Variants in PRKAR2A observed in about 807,000 individuals in gnomAD.
PRKAR2A encodes the protein protein kinase cAMP-dependent type II regulatory subunit alpha.
Under a neutral mutation model 51.9 loss-of-function variants are expected in PRKAR2A, and 29 were observed. The observed-to-expected ratio is 0.56, with a 90% CI of 0.42 to 0.76. The LOEUF (loss-of-function observed/expected upper bound fraction) is 0.76. Among genes scored for constraint, PRKAR2A ranks in the 30% least tolerant of loss-of-function variants. PRKAR2A has a pLI of 0.00. For synonymous variants in PRKAR2A, 178 were observed against 186.2 expected, an observed-to-expected ratio of 0.96 and a Z score of 0.36; for missense variants, 445 against 512.1, an observed-to-expected ratio of 0.87 and a Z score of 1.26.
chr3:48,809,392 A>T lies in PRKAR2A; in HGVS notation c.263-1708T>A, dbSNP rs544488526. ...GATCATTTGAGGTCAGAAGTTCGAGACTAGCCTGGCAAACATGGTGAAACC... is the reference window on the plus strand; with the variant it reads ...GATCATTTGAGGTCAGAAGTTCGAGTCTAGCCTGGCAAACATGGTGAAACC... On this transcript the variant is annotated intron_variant, in intron 1 of 10. Transcript: ENST00000265563. Among the ~76,000 whole-genome samples, 430 of 151,884 alleles carry T rather than the reference A, an allele frequency of 2.8e-3. 4 individuals carry two copies. Among genetic ancestry groups the T allele is most frequent in the African/African-American group, 9.9e-3 (408 of 41,412 alleles).
intron 1 of PRKAR2A, among the ~76,000 whole-genome samples, chr3:48,839,211 C>T (rs750793874): frequency 6.6e-6 from 1 of 151,820 alleles, no homozygotes; most frequent in Non-Finnish European, 1.5e-5. Context: ...TTGCTTCAAC[C>T]CGGGAGGCAG....
In PRKAR2A at chr3:48,782,992, A is replaced by G; in HGVS notation, c.536T>C (p.Ile179Thr). 1 of 1,604,046 alleles carries G rather than the reference A, an allele frequency of 6.2e-7. No individual in the cohort carries two copies. The highest frequency in any genetic ancestry group is 8.5e-7 in the Non-Finnish European group (1 of 1,170,906). Reference protein sequence around the residue: ...QGDDGDNFYVIERGTYDILVT... With the variant: ...QGDDGDNFYVTERGTYDILVT... ...TCAAAGCTCCATCTCCTACCGTTCT[A>G]TGACATAAAAGTTGTCTCCATCATC... The change falls in exon 5 of 11, where the codon ATA (isoleucine) becomes ACA (threonine). Residue 179 changes from isoleucine to threonine, a missense_variant. Transcript: ENST00000265563.
intron 1 of PRKAR2A, among the ~76,000 whole-genome samples, chr3:48,845,680 C>T (rs1000898696): frequency 6.6e-6 from 1 of 152,198 alleles, no homozygotes; most frequent in Non-Finnish European, 1.5e-5. Flanking sequence ...GGAGCAGTAG[C>T]TCATGCCTGT....
chr3:48,796,308 A>T (rs536672002), intron 2 of PRKAR2A, among the ~76,000 whole-genome samples: 8 of 152,356 alleles, frequency 5.3e-5, no homozygotes, highest in Non-Finnish European at 1.2e-4. Context: ...TGTCAGGCAC[A>T]GTAAGGAGGC....
chr3:48,754,300 C>T (rs1193729181), intron 9 of PRKAR2A, among the ~76,000 whole-genome samples: 15 of 138,912 alleles, frequency 1.1e-4, no homozygotes, highest in East Asian at 9.2e-4. Flanking sequence ...TGCAATGGTG[C>T]GATCTCAGCT....
chr3:48,812,041 A>AGCT (rs1231302547), intron 1 of PRKAR2A, among the ~76,000 whole-genome samples: 1 of 152,122 alleles, frequency 6.6e-6, no homozygotes, highest in African/African-American at 2.4e-5. Context: ...GTGTGGTGAT[A>AGCT]GCTGTACAAG....
At chr3:48,752,071 G>GCCTAGA in intron 10 of PRKAR2A, 105 bp downstream of exon 10, 4 of 1,347,372 alleles carry the variant, frequency 3.0e-6, no homozygotes, top group Non-Finnish European at 4.0e-6. Flanking sequence ...AACTGCCTAG[G>GCCTAGA]CCTAGACAGC....
chr3:48,836,496 T>C (rs1419283635), intron 1 of PRKAR2A, among the ~76,000 whole-genome samples: 3 of 126,720 alleles, frequency 2.4e-5, no homozygotes, highest in African/African-American at 9.3e-5. Context: ...AAACTCAAAA[T>C]GTACCAAAGA....
chr3:48,819,378 T>C (rs1297321414), intron 1 of PRKAR2A, among the ~76,000 whole-genome samples: 8 of 152,262 alleles, frequency 5.3e-5, no homozygotes, highest in East Asian at 3.9e-4. Flanking sequence ...ATGCCAACCA[T>C]TTTAAATGCA....
intron 10 of PRKAR2A, 29 bp from the exon 11 acceptor site, chr3:48,751,747 G>T: frequency 1.3e-6 from 2 of 1,586,658 alleles, no homozygotes; most frequent in South Asian, 2.2e-5. Flanking sequence ...GTGAGGGAGA[G>T]AATGAATTCA....
chr3:48,758,423 A>C, intron 8 of PRKAR2A, among the ~76,000 whole-genome samples: 1 of 151,068 alleles, frequency 6.6e-6, no homozygotes, highest in Admixed American at 6.6e-5. Context: ...CTCTACCTAA[A>C]CTACAAAAAA....
chr3:48,791,703 G>A (rs1440584030), intron 3 of PRKAR2A, among the ~76,000 whole-genome samples: 3 of 148,620 alleles, frequency 2.0e-5, no homozygotes, highest in East Asian at 2.0e-4. Context: ...TCAGGAGTTC[G>A]AAACCAGCCT....
intron 1 of PRKAR2A, among the ~76,000 whole-genome samples, chr3:48,832,469 G>A (rs1212098208): frequency 6.6e-6 from 1 of 152,028 alleles, no homozygotes; most frequent in East Asian, 1.9e-4. Context: ...CTCTGAACAC[G>A]CACATTTTTT....
intron 8 of PRKAR2A, among the ~76,000 whole-genome samples, chr3:48,763,471 C>G (rs946680586): frequency 6.6e-6 from 1 of 152,144 alleles, no homozygotes; most frequent in African/African-American, 2.4e-5. Flanking sequence ...ATGAGACAGG[C>G]CTAGAACCTT....
At chr3:48,803,963 C>G (rs1265254661) in intron 2 of PRKAR2A, among the ~76,000 whole-genome samples, 2 of 151,498 alleles carry the variant, frequency 1.3e-5, no homozygotes. Context: ...GACTCTGTCT[C>G]AAAAAAATTT....
chr3:48,779,780 AAAATAAATAAATAAATAAATAAAT>A (rs199753996), intron 5 of PRKAR2A, among the ~76,000 whole-genome samples: 13 of 136,006 alleles, frequency 9.6e-5, no homozygotes, highest in African/African-American at 1.9e-4. Context: ...ACTCCGTCTC[AAAATAAATAAATAAATAAATAAAT>A]AAATAAATAA....
At chr3:48,838,563 C>T (rs890599497) in intron 1 of PRKAR2A, among the ~76,000 whole-genome samples, 2 of 151,344 alleles carry the variant, frequency 1.3e-5, no homozygotes, top group South Asian at 4.2e-4. Flanking sequence ...GCTGAGATCT[C>T]ACCACTGCAC....
intron 1 of PRKAR2A, among the ~76,000 whole-genome samples, chr3:48,827,291 C>G (rs2083084137): frequency 6.6e-6 from 1 of 151,136 alleles, no homozygotes; most frequent in South Asian, 2.1e-4. Context: ...ATAATCTTCC[C>G]CAAAAGAACC....
intron 1 of PRKAR2A, among the ~76,000 whole-genome samples, chr3:48,837,422 T>C (rs2083303360): frequency 6.6e-6 from 1 of 152,208 alleles, no homozygotes; most frequent in Non-Finnish European, 1.5e-5. Flanking sequence ...CCCACTAGTT[T>C]GGCTATAATA....
Sources: allele counts gnomAD v4.1 joint callset (sites outside exome capture counted in the v4.1 genomes callset), GRCh38; gene constraint gnomAD v4.1.1; transcripts MANE v1.5; gene names NCBI Gene and HGNC (gene_info 2026-07-23, HGNC 2026-07-21).